Variants in LRFN2 observed in about 807,000 individuals in gnomAD.
LRFN2 encodes leucine rich repeat and fibronectin type III domain containing 2, also known as leucine-rich repeat and fibronectin type-III domain-containing protein 2.
Under a neutral mutation model 37.3 loss-of-function variants are expected in LRFN2, and 18 were observed. The observed-to-expected ratio is 0.48, with a 90% CI of 0.33 to 0.72. The LOEUF is 0.72. Ranked by LOEUF, LRFN2 falls within the 30% of genes least tolerant of loss-of-function variation. The probability of loss-of-function intolerance (pLI) is 0.02; values close to 1 mark genes in which losing one functional copy is unlikely to be tolerated. For missense variants in LRFN2, 1,006 were observed against 1,060.7 expected (o/e 0.95, Z 0.72); for synonymous variants, 556 against 466.6 (o/e 1.19, Z -2.47).
rs571573364 is a variant in LRFN2 at position 40,501,450 on chromosome 6, C to G, written c.-18-68319G>C. Among the ~76,000 whole-genome samples, 23 of 151,780 alleles carry G rather than the reference C, an allele frequency of 1.5e-4. No individual in the cohort carries two copies. The South Asian group carries it at 2.7e-3, about 18-fold the overall frequency. ...ATCTTCCCATCAGCCTCTCAAGTAC[C>G]TGGGACTACAGGTGCCCATCACCGT... On this transcript the variant is annotated intron_variant, in intron 1 of 2. Coordinates refer to ENST00000338305, the MANE Select transcript of LRFN2 (RefSeq NM_020737.3).
intron 1 of LRFN2, among the ~76,000 whole-genome samples, chr6:40,507,917 GC>G (rs1483390132): frequency 9.9e-5 from 15 of 152,180 alleles, no homozygotes; most frequent in Non-Finnish European, 2.9e-5. Context: ...ACAAATGTGT[GC>G]CTTTTATGAC....
At chr6:40,412,216 G>A (rs1484970671) in intron 2 of LRFN2, among the ~76,000 whole-genome samples, 1 of 152,072 alleles carries the variant, frequency 6.6e-6, no homozygotes, top group African/African-American at 2.4e-5. Flanking sequence ...GAGGGGTCCT[G>A]ATAAACACTT....
At chr6:40,520,749 A>G (rs1258040886) in intron 1 of LRFN2, among the ~76,000 whole-genome samples, 1 of 152,076 alleles carries the variant, frequency 6.6e-6, no homozygotes, top group Non-Finnish European at 1.5e-5. Flanking sequence ...GCCCTACCTT[A>G]GACCTGTCCC....
At chr6:40,405,960 G>A (rs1479434167) in intron 2 of LRFN2, among the ~76,000 whole-genome samples, 2 of 152,186 alleles carry the variant, frequency 1.3e-5, no homozygotes, top group African/African-American at 4.8e-5. Flanking sequence ...GCAGCTGCCA[G>A]GCAAGGACTT....
intron 1 of LRFN2, among the ~76,000 whole-genome samples, chr6:40,446,995 T>A (rs1213065685): frequency 6.6e-6 from 1 of 150,612 alleles, no homozygotes; most frequent in Non-Finnish European, 1.5e-5. Flanking sequence ...CCCCTCAGAC[T>A]GGAGCTCCCT....
intron 1 of LRFN2, among the ~76,000 whole-genome samples, chr6:40,560,851 T>C (rs952504919): frequency 1.3e-5 from 2 of 152,306 alleles, no homozygotes; most frequent in Admixed American, 1.3e-4. Flanking sequence ...AATATATGTC[T>C]TACAGTGGGT....
intron 1 of LRFN2, among the ~76,000 whole-genome samples, chr6:40,577,957 C>A (rs1217090317): frequency 9.2e-6 from 1 of 108,400 alleles, no homozygotes; most frequent in Non-Finnish European, 2.0e-5. Context: ...ACACACCAGG[C>A]CAGTCTGAAT....
chr6:40,416,630 T>C (rs1330307895), intron 2 of LRFN2, among the ~76,000 whole-genome samples: 1 of 152,174 alleles, frequency 6.6e-6, no homozygotes, highest in African/African-American at 2.4e-5. Context: ...GGACTTTGAC[T>C]CTGTCTTTCC....
chr6:40,400,717 G>A (rs936744249), intron 2 of LRFN2, among the ~76,000 whole-genome samples: 1 of 151,708 alleles, frequency 6.6e-6, no homozygotes, highest in Admixed American at 6.6e-5. Context: ...CAACACACCC[G>A]GCCTGGAGAG....
intron 2 of LRFN2, among the ~76,000 whole-genome samples, chr6:40,402,515 T>C (rs916169542): frequency 6.6e-6 from 1 of 152,254 alleles, no homozygotes; most frequent in Non-Finnish European, 1.5e-5. Context: ...GCACTTACTA[T>C]GTGTCAAACA....
chr6:40,477,985 G>C (rs1432223011), intron 1 of LRFN2, among the ~76,000 whole-genome samples: 1 of 152,216 alleles, frequency 6.6e-6, no homozygotes, highest in African/African-American at 2.4e-5. Flanking sequence ...CCTGTTTGTG[G>C]CTTCTCCTCC....
chr6:40,484,437 C>T (rs1236863195), intron 1 of LRFN2, among the ~76,000 whole-genome samples: 3 of 152,212 alleles, frequency 2.0e-5, no homozygotes, highest in Non-Finnish European at 4.4e-5. Flanking sequence ...TCTTCAGAGG[C>T]CTAGGCCGGT....
chr6:40,428,235 C>T lies in LRFN2; in HGVS notation c.1400+3479G>A, dbSNP rs939218272. Among the ~76,000 whole-genome samples the T allele has an allele frequency of 6.2e-4, 95 of 152,292 alleles. 1 individual carries two copies. The highest frequency in any genetic ancestry group is 1.9e-4 in the Non-Finnish European group (13 of 68,024). On this transcript the variant is annotated intron_variant, in intron 2 of 2. Coordinates refer to ENST00000338305, the MANE Select transcript of LRFN2 (RefSeq NM_020737.3). ...TGCTGGGGAAGATGGAGGCAAGTTG[C>T]AAGTTGCAAGTCTTTGCTTCTTATC...
At chr6:40,530,861 T>C (rs1766329965) in intron 1 of LRFN2, among the ~76,000 whole-genome samples, 1 of 152,174 alleles carries the variant, frequency 6.6e-6, no homozygotes, top group South Asian at 2.1e-4. Flanking sequence ...TGCTGCTTCA[T>C]ATGCTGCTTC....
intron 1 of LRFN2, among the ~76,000 whole-genome samples, chr6:40,574,878 C>T (rs928724720): frequency 3.3e-5 from 5 of 152,278 alleles, no homozygotes; most frequent in Non-Finnish European, 5.9e-5. Context: ...GGACCCTTTT[C>T]CCCCACCTAC....
chr6:40,578,788 A>G (rs1273812537), intron 1 of LRFN2, among the ~76,000 whole-genome samples: 2 of 152,172 alleles, frequency 1.3e-5, no homozygotes, highest in African/African-American at 2.4e-5. Context: ...GGTGGGTACT[A>G]TTATTATCCT....
chr6:40,420,637 C>A (rs545771889), intron 2 of LRFN2, among the ~76,000 whole-genome samples: 20 of 152,356 alleles, frequency 1.3e-4, no homozygotes, highest in African/African-American at 4.8e-4. Flanking sequence ...AACTTCCCGG[C>A]AGAACGTTAT....
In LRFN2 at chr6:40,391,921, A is replaced by G; in HGVS notation, c.*22T>C. On this transcript the variant is annotated 3_prime_UTR_variant, in exon 3 of 3. Transcript: ENST00000338305. Reference sequence around the variant, plus strand: ...CCCTTCTCCCACCCTGCGCACAGGAAAGGGAGCATGCCCACCCCCACCTAG... The same window carrying G: ...CCCTTCTCCCACCCTGCGCACAGGAGAGGGAGCATGCCCACCCCCACCTAG... The G allele has an allele frequency of 6.6e-7, 1 of 1,519,802 alleles. No individual in the cohort carries two copies. Among genetic ancestry groups the G allele is most frequent in the Non-Finnish European group, 8.8e-7 (1 of 1,132,054 alleles). The allele number at this position is 1,519,802 out of a possible 1,614,324, so 94.1% of individuals were successfully genotyped here.
At chr6:40,482,058 G>A (rs1295288279) in intron 1 of LRFN2, among the ~76,000 whole-genome samples, 2 of 152,326 alleles carry the variant, frequency 1.3e-5, no homozygotes, top group Non-Finnish European at 2.9e-5. Context: ...AGCTAGAAGG[G>A]ATGCTGGGTT....
Sources: allele counts gnomAD v4.1 joint callset (sites outside exome capture counted in the v4.1 genomes callset), GRCh38; gene constraint gnomAD v4.1.1; transcripts MANE v1.5; gene names NCBI Gene and HGNC (gene_info 2026-07-23, HGNC 2026-07-21).